NCOR2: variants seen among roughly 807,000 people sequenced by gnomAD.
NCOR2 encodes nuclear receptor corepressor 2.
Under a neutral mutation model 262.9 loss-of-function variants are expected in NCOR2, and 81 were observed. The observed-to-expected ratio is 0.31, with a 90% CI of 0.26 to 0.37. The LOEUF (loss-of-function observed/expected upper bound fraction) is 0.37, where lower values mean the gene tolerates loss of function less well. NCOR2 is among the 10% of genes least tolerant of loss of function. The pLI, the probability that NCOR2 is intolerant of heterozygous loss-of-function variation, is 1.00. For synonymous variants in NCOR2, 1,659 were observed against 1,559.3 expected, an observed-to-expected ratio of 1.06 and a Z score of -1.51; for missense variants, 3,385 against 3,621.4, an observed-to-expected ratio of 0.93 and a Z score of 1.68.
rs1362676011 is a variant in NCOR2, at chr12:124,422,210, G to A, written c.1383+291C>T. Among the ~76,000 whole-genome samples, 6 of 152,350 alleles carry A rather than the reference G, an allele frequency of 3.9e-5. No homozygotes were observed. In the East Asian group the frequency reaches 9.6e-4, roughly 24 times the overall value. The stretch of plus-strand genomic sequence containing the variant: ...CTGGCAGGAGACCCGTCGGGCACAC[G>A]GGGCTCCAGGAAGCCTGGCCGTGCA... On this transcript the variant is annotated intron_variant, in intron 12 of 46. Transcript: ENST00000405201.
Position 124,430,598 on chromosome 12 carries a change from G to A in NCOR2, c.1055+17C>T, listed in dbSNP as rs756753437. The A allele has an allele frequency of 6.3e-7, 1 of 1,597,494 alleles. No homozygotes were observed. The highest frequency in any genetic ancestry group is 8.5e-7 in the Non-Finnish European group (1 of 1,170,598). On this transcript the variant is annotated intron_variant, in intron 9 of 46. Coordinates refer to ENST00000405201, the Ensembl canonical transcript of NCOR2. ...CGGGCCCTGACGTCGGGGGCCCTGG[G>A]CTCAGGCCCCGCTCACCTCTGCATG...
At chr12:124,368,075 C>G (rs2039184569) in intron 20 of NCOR2, among the ~76,000 whole-genome samples, 1 of 152,236 alleles carries the variant, frequency 6.6e-6, no homozygotes, top group Admixed American at 6.5e-5. Context: ...CAGTTGCGAG[C>G]AAAGGCTCGG....
Position 124,548,235 on chromosome 12 carries a change from G to T in NCOR2, c.-164-12624C>A, listed in dbSNP as rs577046749. On this transcript the variant is annotated intron_variant, in intron 1 of 32. Transcript: ENST00000458234. The surrounding 1 kb of genome is among the most constrained non-coding windows in gnomAD (Gnocchi z 5.1). Reference sequence around the variant, plus strand: ...ATATGCAGGGAACAGCATTCCAGGTGGGGGGAACAACAAACGCGAAGGCCC... The same window carrying T: ...ATATGCAGGGAACAGCATTCCAGGTTGGGGGAACAACAAACGCGAAGGCCC... Among the ~76,000 whole-genome samples the T allele has an allele frequency of 6.6e-6, 1 of 152,166 alleles. No individual in the cohort carries two copies. The highest frequency in any genetic ancestry group is 2.4e-5 in the African/African-American group (1 of 41,446).
chr12:124,367,949 C>G (rs1027999228), intron 20 of NCOR2, among the ~76,000 whole-genome samples: 7 of 152,196 alleles, frequency 4.6e-5, no homozygotes, highest in African/African-American at 1.2e-4. Context: ...CCTTTGTTTT[C>G]TTGGAAGGCA....
chr12:124,567,443 C>G (rs2052285659), exon 1 of NCOR2: 1 of 149,930 alleles, frequency 6.7e-6, no homozygotes, highest in Non-Finnish European at 1.5e-5. Flanking sequence ...ATCCTCCCGC[C>G]GCCGCCTCCT....
At chr12:124,520,320 A>G (rs1566021454) in intron 1 of NCOR2, among the ~76,000 whole-genome samples, 1 of 152,246 alleles carries the variant, frequency 6.6e-6, no homozygotes, top group Non-Finnish European at 1.5e-5. Context: ...CGCCAAGACC[A>G]GGCGGGACCA....
At chr12:124,530,202 T>C (rs892903645) in intron 1 of NCOR2, 6 of 152,050 alleles carry the variant, frequency 3.9e-5, no homozygotes, top group African/African-American at 1.4e-4. Flanking sequence ...AAGTATAGTA[T>C]ATAATAAAAT....
Position 124,481,012 on chromosome 12 carries a change from C to T in NCOR2, c.411+2584G>A, listed in dbSNP as rs944485030. Among the ~76,000 whole-genome samples the T allele has an allele frequency of 2.0e-5, 3 of 149,398 alleles. No homozygotes were observed. Among genetic ancestry groups the T allele is most frequent in the Admixed American group, 1.3e-4 (2 of 15,020 alleles). On this transcript the variant is annotated intron_variant, in intron 3 of 46. Transcript: ENST00000405201. The surrounding 1 kb of genome is among the most constrained non-coding windows in gnomAD (Gnocchi z 4.6). ...GGCCGCAGGCAGATGGGCTGGGTGG[C>T]GCTGGGTGGTGGCTGGGAGTGGCTC...
At chr12:124,480,747 G>A (rs971458889) in intron 3 of NCOR2, among the ~76,000 whole-genome samples, 25 of 151,702 alleles carry the variant, frequency 1.6e-4, no homozygotes, top group African/African-American at 4.6e-4. Flanking sequence ...GCCCTTGTCC[G>A]GCTGTGAGTT....
chr12:124,431,057 T>C (rs1013889434), intron 8 of NCOR2, among the ~76,000 whole-genome samples: 1 of 137,064 alleles, frequency 7.3e-6, no homozygotes, highest in Admixed American at 7.1e-5. Flanking sequence ...ACACATATAC[T>C]CAGACACAGT....
At chr12:124,444,183 A>C (rs886310308) in intron 7 of NCOR2, among the ~76,000 whole-genome samples, 1 of 152,116 alleles carries the variant, frequency 6.6e-6, no homozygotes, top group Non-Finnish European at 1.5e-5. Context: ...ACTGCAGACA[A>C]ATCTTTTCTG....
At chr12:124,458,457 C>T (rs182109804) in intron 5 of NCOR2, among the ~76,000 whole-genome samples, 30 of 152,348 alleles carry the variant, frequency 2.0e-4, no homozygotes, top group Non-Finnish European at 3.7e-4. Flanking sequence ...AAGAGCAGAG[C>T]CATGCTCTTG....
intron 20 of NCOR2, among the ~76,000 whole-genome samples, chr12:124,370,542 G>C (rs1283109121): frequency 2.0e-5 from 3 of 152,194 alleles, no homozygotes; most frequent in African/African-American, 7.2e-5. Flanking sequence ...CCACACTGTA[G>C]TTGAAATAAA....
At position 124,335,815 on chromosome 12, in the gene NCOR2, C is replaced by T. The variant is rs997286984; in HGVS notation, c.6116-183G>A. The T allele has an allele frequency of 1.1e-5, 7 of 634,076 alleles. No homozygotes were observed. In the African/African-American group the frequency reaches 1.3e-4, roughly 12 times the overall value. 39.3% of individuals were successfully genotyped at this position (634,076 alleles called of 1,614,324 possible). A position where few individuals can be genotyped will look rare whatever the true frequency, so the allele number is the denominator to read the frequency against. On this transcript the variant is annotated intron_variant, in intron 38 of 46. Coordinates refer to ENST00000405201, the Ensembl canonical transcript of NCOR2. ...GGGTGTTGGGGAGAGACAGGGAGGC[C>T]AAGGGAGAGGTGGAGAGAGATGCAG...
intron 27 of NCOR2, 63 bp from the exon 30 acceptor site, chr12:124,350,800 G>T (rs2037384100): frequency 9.1e-6 from 14 of 1,546,756 alleles, no homozygotes; most frequent in Non-Finnish European, 1.0e-5. Flanking sequence ...CAACTCAAAT[G>T]CAGGCAAAGA....
intron 24 of NCOR2, 72 bp downstream of exon 26, chr12:124,355,360 T>A (rs2037870549): frequency 9.6e-6 from 15 of 1,554,638 alleles, no homozygotes; most frequent in Middle Eastern, 1.8e-4. Flanking sequence ...CACTCAGACT[T>A]CATTGGTCCC....
At chr12:124,461,445 C>G (rs10846677) in intron 5 of NCOR2, among the ~76,000 whole-genome samples, 14,804 of 152,342 alleles carry the variant, frequency 0.097, 947 homozygotes, top group East Asian at 0.18. Context: ...TGCAGAGACT[C>G]TGGGTCTGCG....
chr12:124,486,533 G>A (rs750235632), exon 2 of NCOR2: 62 of 1,595,440 alleles, frequency 3.9e-5, no homozygotes, highest in Admixed American at 1.2e-4. Flanking sequence ...AGGCATAGTC[G>A]CGGGAGTGGT....
Position 124,369,395 on chromosome 12 carries a change from C to CA in NCOR2, c.2807+2626dup, listed in dbSNP as rs1260348550. 5.9e-5 allele frequency among the ~76,000 whole-genome samples: 9 copies of CA among 152,118 alleles called. 1 individual carries two copies. In the East Asian group the frequency reaches 1.7e-3, roughly 29 times the overall value. Reference sequence around the variant, plus strand: ...GTCATCTTGCGTCCATCCAGGAACACAGAGCTCCCCCACTGGGGCTGCCAG... The same window carrying CA: ...GTCATCTTGCGTCCATCCAGGAACACAAGAGCTCCCCCACTGGGGCTGCCAG... On this transcript the variant is annotated intron_variant, in intron 20 of 46. Coordinates refer to ENST00000405201, the Ensembl canonical transcript of NCOR2.
Sources: allele counts gnomAD v4.1 joint callset (sites outside exome capture counted in the v4.1 genomes callset), GRCh38; gene constraint gnomAD v4.1.1; non-coding constraint Gnocchi (gnomAD v3.1); transcripts MANE v1.5; gene names NCBI Gene and HGNC (gene_info 2026-07-23, HGNC 2026-07-21).